CBLB: variants seen among roughly 807,000 people sequenced by gnomAD.
The protein encoded by CBLB is Cbl proto-oncogene B.
In CBLB, 31 loss-of-function variants were observed where a neutral mutation model predicts 104.9. The ratio of observed to expected loss-of-function variants is 0.30; its 90% CI spans 0.22 to 0.40. CBLB has a LOEUF of 0.40. CBLB is among the 10% of genes least tolerant of loss of function. CBLB has a pLI of 1.00. For synonymous variants in CBLB, 440 were observed against 422.6 expected, an observed-to-expected ratio of 1.04 and a Z score of -0.51; for missense variants, 1,062 against 1,214.6, an observed-to-expected ratio of 0.87 and a Z score of 1.87.
At chr3:105,819,358 A>G (rs2085499209) in intron 3 of CBLB, among the ~76,000 whole-genome samples, 1 of 152,048 alleles carries the variant, frequency 6.6e-6, no homozygotes, top group African/African-American at 2.4e-5. Flanking sequence ...GTGGTGGCAC[A>G]TGCCTATAGT....
intron 3 of CBLB, among the ~76,000 whole-genome samples, chr3:105,816,980 G>C (rs964124011): frequency 1.3e-5 from 2 of 152,120 alleles, no homozygotes; most frequent in African/African-American, 4.8e-5. Flanking sequence ...AATCAGCAAG[G>C]TCTAAAGGCT....
intron 9 of CBLB, among the ~76,000 whole-genome samples, chr3:105,733,158 C>A (rs1229255995): frequency 6.6e-6 from 1 of 152,002 alleles, no homozygotes; most frequent in African/African-American, 2.4e-5. Context: ...GAGATCGAGA[C>A]CATCCTGGCT....
chr3:105,755,149 G>A (rs1040124004), intron 4 of CBLB, among the ~76,000 whole-genome samples: 1 of 151,798 alleles, frequency 6.6e-6, no homozygotes, highest in African/African-American at 2.4e-5. Flanking sequence ...TCTAGCATTA[G>A]GTATATCTCC....
intron 2 of CBLB, 36 bp from the exon 3 acceptor site, chr3:105,853,700 AT>A: frequency 1.4e-6 from 2 of 1,425,854 alleles, no homozygotes; most frequent in Non-Finnish European, 9.6e-7. Context: ...AAGTCATAAT[AT>A]TTTATTTCAC....
chr3:105,803,326 C>A (rs1358494395), intron 3 of CBLB, among the ~76,000 whole-genome samples: 1 of 152,104 alleles, frequency 6.6e-6, no homozygotes, highest in Non-Finnish European at 1.5e-5. Context: ...ATTTTTCAAG[C>A]CCCTGTTGAT....
Position 105,657,344 on chromosome 3 carries a change from C to G in CBLB, c.*1626G>C, listed in dbSNP as rs759714526. On this transcript the variant is annotated 3_prime_UTR_variant, in exon 19 of 19. Coordinates refer to ENST00000394030, the MANE Select transcript of CBLB (RefSeq NM_170662.5). ...GGGTGTGAAGTGAAAAGAGGAGACACAGAAATATGCACAAACCCACAATTA... is the reference window on the plus strand; with the variant it reads ...GGGTGTGAAGTGAAAAGAGGAGACAGAGAAATATGCACAAACCCACAATTA... 2.3e-5 allele frequency: 5 copies of G among 216,958 alleles called. No individual in the cohort carries two copies. Among genetic ancestry groups the G allele is most frequent in the Non-Finnish European group, 4.6e-5 (5 of 107,892 alleles). 13.4% of individuals were successfully genotyped at this position (216,958 alleles called of 1,614,324 possible). A position where few individuals can be genotyped will look rare whatever the true frequency, so the allele number is the denominator to read the frequency against.
chr3:105,852,715 C>T (rs919703749), intron 3 of CBLB, among the ~76,000 whole-genome samples: 9 of 151,808 alleles, frequency 5.9e-5, no homozygotes, highest in African/African-American at 2.2e-4. Context: ...CAGGTTATTA[C>T]AGGTTATCCA....
chr3:105,695,785 C>T (rs1032845630), intron 12 of CBLB, among the ~76,000 whole-genome samples: 3 of 151,692 alleles, frequency 2.0e-5, no homozygotes, highest in Non-Finnish European at 3.0e-5. Context: ...TGTGTACTTA[C>T]GTTTTGTCAA....
intron 3 of CBLB, among the ~76,000 whole-genome samples, chr3:105,834,959 T>C (rs556811251): frequency 6.6e-6 from 1 of 152,344 alleles, no homozygotes; most frequent in East Asian, 1.9e-4. Context: ...CTTCATGTTA[T>C]CACAACGCTG....
intron 3 of CBLB, among the ~76,000 whole-genome samples, chr3:105,793,052 T>C (rs2081872762): frequency 6.6e-6 from 1 of 152,176 alleles, no homozygotes; most frequent in Non-Finnish European, 1.5e-5. Context: ...CTCCCCTGAT[T>C]GCTTCCACCA....
chr3:105,836,834 T>C (rs1272878523), intron 3 of CBLB, among the ~76,000 whole-genome samples: 5 of 152,108 alleles, frequency 3.3e-5, no homozygotes, highest in Non-Finnish European at 7.4e-5. Context: ...GCCTCTGTTT[T>C]CCTGTCAAGT....
chr3:105,701,448 G>A (rs995452147), intron 12 of CBLB, among the ~76,000 whole-genome samples: 1 of 152,158 alleles, frequency 6.6e-6, no homozygotes, highest in Non-Finnish European at 1.5e-5. Flanking sequence ...AAAATTGGAT[G>A]GAACTAAAGG....
intron 3 of CBLB, among the ~76,000 whole-genome samples, chr3:105,836,846 TAA>T (rs1312139620): frequency 6.6e-6 from 1 of 152,012 alleles, no homozygotes; most frequent in East Asian, 1.9e-4. Flanking sequence ...CTGTCAAGTC[TAA>T]GTCTGCATGG....
At chr3:105,718,522 A>G (rs1181329636) in intron 10 of CBLB, among the ~76,000 whole-genome samples, 1 of 152,204 alleles carries the variant, frequency 6.6e-6, no homozygotes, top group Non-Finnish European at 1.5e-5. Flanking sequence ...ATGCCTTGTC[A>G]AAATTCCACT....
At chr3:105,701,278 G>T (rs2069058980) in intron 12 of CBLB, among the ~76,000 whole-genome samples, 1 of 152,166 alleles carries the variant, frequency 6.6e-6, no homozygotes, top group Non-Finnish European at 1.5e-5. Context: ...TAGGGGAAAA[G>T]AACTTGGGAA....
At chr3:105,794,278 T>C (rs1019013222) in intron 3 of CBLB, among the ~76,000 whole-genome samples, 3 of 152,226 alleles carry the variant, frequency 2.0e-5, no homozygotes, top group Non-Finnish European at 4.4e-5. Context: ...ATCGGTCTTA[T>C]GTGAACTAGC....
chr3:105,770,483 T>A (rs2078742548), intron 4 of CBLB, among the ~76,000 whole-genome samples: 1 of 152,110 alleles, frequency 6.6e-6, no homozygotes, highest in Non-Finnish European at 1.5e-5. Context: ...TGAATATATC[T>A]CACAGGGACC....
intron 3 of CBLB, among the ~76,000 whole-genome samples, chr3:105,829,395 A>G (rs2087074176): frequency 6.6e-6 from 1 of 152,160 alleles, no homozygotes; most frequent in Admixed American, 6.5e-5. Context: ...GTGGTGACTC[A>G]TGCCTGTGAT....
chr3:105,681,271 T>C (rs1201768174), intron 16 of CBLB: 1 of 598,616 alleles, frequency 1.7e-6, no homozygotes, highest in Admixed American at 2.9e-5. Context: ...ACCTGACTGA[T>C]GCCCAACTAC....
Sources: allele counts gnomAD v4.1 joint callset (sites outside exome capture counted in the v4.1 genomes callset), GRCh38; gene constraint gnomAD v4.1.1; transcripts MANE v1.5; gene names NCBI Gene and HGNC (gene_info 2026-07-23, HGNC 2026-07-21).